MSTO1: variants seen among roughly 807,000 people sequenced by gnomAD.
MSTO1 encodes the protein protein misato homolog 1.
Under a neutral mutation model 55.7 loss-of-function variants are expected in MSTO1, and 24 were observed. The ratio of observed to expected loss-of-function variants is 0.43; its 90% CI spans 0.31 to 0.61. The LOEUF (loss-of-function observed/expected upper bound fraction) is 0.61. Among genes scored for constraint, MSTO1 ranks in the 20% least tolerant of loss-of-function variants. The pLI is 0.09. For missense variants in MSTO1, 363 were observed against 625.7 expected (o/e 0.58, Z 4.48); for synonymous variants, 162 against 252.8 (o/e 0.64, Z 3.41).
chr1:155,582,489 C>A, the MSTO1 span, among the ~76,000 whole-genome samples: 8 of 152,124 alleles, frequency 5.3e-5, no homozygotes, highest in African/African-American at 1.9e-4. Context: ...GAGACAGAGT[C>A]TCATTCTGTC....
At chr1:155,564,315 A>C in the MSTO1 span, among the ~76,000 whole-genome samples, 1 of 152,098 alleles carries the variant, frequency 6.6e-6, no homozygotes, top group Non-Finnish European at 1.5e-5. Context: ...CCAACATGGC[A>C]AAATCCCGTC....
the MSTO1 span, chr1:155,563,540 C>T: frequency 5.7e-5 from 26 of 456,402 alleles, no homozygotes; most frequent in Middle Eastern, 1.3e-3. Flanking sequence ...TCTCGAATTT[C>T]ACACCACTGT....
the MSTO1 span, among the ~76,000 whole-genome samples, chr1:155,592,311 G>A: frequency 6.6e-6 from 1 of 152,142 alleles, no homozygotes; most frequent in Non-Finnish European, 1.5e-5. Context: ...AAGGTGGGGA[G>A]GGAGAGATAA....
At chr1:155,597,644 G>A in the MSTO1 span, among the ~76,000 whole-genome samples, 1 of 151,428 alleles carries the variant, frequency 6.6e-6, no homozygotes, top group Admixed American at 6.6e-5. Flanking sequence ...TGAGTAGCTG[G>A]GATTACAGAT....
chr1:155,564,789 C>T, the MSTO1 span, among the ~76,000 whole-genome samples: 1 of 152,284 alleles, frequency 6.6e-6, no homozygotes, highest in Non-Finnish European at 1.5e-5. Flanking sequence ...ACTTAATTTA[C>T]ATAAAGCATC....
chr1:155,613,704 C>T lies in MSTO1; in HGVS notation c.1436C>T (p.Pro479Leu). 1.9e-6 allele frequency: 3 copies of T among 1,610,372 alleles called. No individual in the cohort carries two copies. Among genetic ancestry groups the T allele is most frequent in the Non-Finnish European group, 2.5e-6 (3 of 1,177,468 alleles). ...CCCTGCAGGGTGGCTCCTCCTTACC[C>T]CCACCTCTTCTCAAGCTGCAGTCCA... ...LTPCRVAPPY[P>L]HLFSSCSPPG... Residue 479 changes from proline to leucine, a missense_variant, in exon 13 of 14, where the codon CCC becomes CTC. Pro to Leu is a moderately conservative substitution (Grantham distance 98, BLOSUM62 -3). Around this residue, in one of 3 missense-constraint regions of MSTO1, gnomAD observed 38 missense variants for 126.4 expected, o/e 0.30. Transcript: ENST00000245564.
At chr1:155,580,357 C>T in the MSTO1 span, among the ~76,000 whole-genome samples, 1 of 151,458 alleles carries the variant, frequency 6.6e-6, no homozygotes, top group African/African-American at 2.4e-5. Flanking sequence ...AAGACCCTGC[C>T]CTGTCTCTAC....
chr1:155,576,501 AT>A, the MSTO1 span, among the ~76,000 whole-genome samples: 1 of 151,012 alleles, frequency 6.6e-6, no homozygotes, highest in Non-Finnish European at 1.5e-5. Context: ...TAAGTTTTGT[AT>A]TTTTAGTAGA....
At chr1:155,590,485 G>A in the MSTO1 span, 11 of 522,526 alleles carry the variant, frequency 2.1e-5, no homozygotes, top group Non-Finnish European at 3.6e-5. Context: ...AATACCCTCA[G>A]TCAAAAGAAA....
At chr1:155,584,430 G>T in the MSTO1 span, among the ~76,000 whole-genome samples, 1 of 151,988 alleles carries the variant, frequency 6.6e-6, no homozygotes, top group Non-Finnish European at 1.5e-5. Flanking sequence ...CATTTGGGAG[G>T]CTGAGACAGG....
chr1:155,581,904 C>T, the MSTO1 span, among the ~76,000 whole-genome samples: 1 of 150,888 alleles, frequency 6.6e-6, no homozygotes, highest in Non-Finnish European at 1.5e-5. Flanking sequence ...AGCGATTCTC[C>T]TGCCTCAGCC....
the MSTO1 span, among the ~76,000 whole-genome samples, chr1:155,566,582 T>G: frequency 4.6e-5 from 7 of 152,098 alleles, no homozygotes; most frequent in Admixed American, 1.3e-4. Flanking sequence ...AGTGAAACTC[T>G]GTCTCTAAAA....
chr1:155,592,414 ACTC>A, the MSTO1 span, among the ~76,000 whole-genome samples: 4 of 151,956 alleles, frequency 2.6e-5, no homozygotes, highest in South Asian at 6.2e-4. Flanking sequence ...GAATCACATG[ACTC>A]CTCCTGTTTC....
upstream of MSTO1, among the ~76,000 whole-genome samples, chr1:155,609,338 C>T (rs1291303765): frequency 6.8e-6 from 1 of 146,986 alleles, no homozygotes; most frequent in African/African-American, 2.5e-5. Flanking sequence ...CTCCGCCTCC[C>T]GGGTTCACGC....
the MSTO1 span, among the ~76,000 whole-genome samples, chr1:155,573,014 C>T: frequency 2.0e-5 from 3 of 152,094 alleles, no homozygotes; most frequent in South Asian, 4.2e-4. Context: ...TAAAGTTAGG[C>T]ATTTGATAAT....
chr1:155,570,194 T>A, the MSTO1 span, among the ~76,000 whole-genome samples: 1 of 152,200 alleles, frequency 6.6e-6, no homozygotes, highest in Admixed American at 6.5e-5. Context: ...CATGCCTTTT[T>A]TGAAGTCTTT....
chr1:155,591,258 G>A, the MSTO1 span: 2 of 1,600,638 alleles, frequency 1.2e-6, no homozygotes, highest in Non-Finnish European at 1.7e-6. Flanking sequence ...TCTGGCAGAG[G>A]CCATGGTGAG....
chr1:155,576,740 G>A, the MSTO1 span, among the ~76,000 whole-genome samples: 7 of 150,782 alleles, frequency 4.6e-5, no homozygotes, highest in East Asian at 2.0e-4. Flanking sequence ...GAGGCTGAGC[G>A]CAGTGGCACA....
chr1:155,591,619 C>T, the MSTO1 span, among the ~76,000 whole-genome samples: 1 of 152,020 alleles, frequency 6.6e-6, no homozygotes, highest in Non-Finnish European at 1.5e-5. Flanking sequence ...GGAGAAACCC[C>T]GTCACTACTA....
Sources: allele counts gnomAD v4.1 joint callset (sites outside exome capture counted in the v4.1 genomes callset), GRCh38; gene constraint gnomAD v4.1.1; regional missense constraint gnomAD v4.1.1; transcripts MANE v1.5; gene names NCBI Gene and HGNC (gene_info 2026-07-23, HGNC 2026-07-21).